The following ATP6V0A2 variants were observed in gnomAD, a reference collection of about 807,000 sequenced individuals.
ATP6V0A2 encodes ATPase H+ transporting V0 subunit a2.
A neutral mutation model predicts 104.4 loss-of-function variants in ATP6V0A2; 58 were observed. The ratio of observed to expected loss-of-function variants is 0.56; its 90% CI spans 0.45 to 0.69. ATP6V0A2 has a LOEUF of 0.69. Among genes scored for constraint, ATP6V0A2 ranks in the 30% least tolerant of loss-of-function variants. The pLI is 0.00. For synonymous variants in ATP6V0A2, 376 were observed against 397.9 expected (o/e 0.95, Z 0.65); for missense variants, 938 against 1,062.9 (o/e 0.88, Z 1.63).
At chr12:123,751,008 C>T (rs184068473) in intron 15 of ATP6V0A2, 102 bp from the exon 16 acceptor site, 54 of 1,495,178 alleles carry the variant, frequency 3.6e-5, no homozygotes, top group African/African-American at 5.5e-5. Context: ...ATGTTCCTCG[C>T]GTGGAGACAT....
chr12:123,714,941 A>G (rs912042383), intron 1 of ATP6V0A2, among the ~76,000 whole-genome samples: 7 of 152,114 alleles, frequency 4.6e-5, no homozygotes, highest in African/African-American at 1.7e-4. Flanking sequence ...TTAGCTGGGC[A>G]TGGCGGGGTG....
At chr12:123,750,900 CCA>C (rs2135916989) in intron 15 of ATP6V0A2, 1 of 612,062 alleles carries the variant, frequency 1.6e-6, no homozygotes, top group African/African-American at 1.8e-5. Flanking sequence ...TAATACTTTA[CCA>C]CAGGGTCATT....
intron 14 of ATP6V0A2, among the ~76,000 whole-genome samples, chr12:123,748,229 A>G (rs1956681285): frequency 6.6e-6 from 1 of 152,238 alleles, no homozygotes; most frequent in Non-Finnish European, 1.5e-5. Flanking sequence ...TGAAGTCACT[A>G]TAACAGGAGT....
At position 123,751,118 on chromosome 12, in the gene ATP6V0A2, C is replaced by A; in HGVS notation, c.1944C>A (p.Val648=). Residue 648 remains valine (V), a synonymous_variant, in exon 16 of 20, where the codon GTC becomes GTA. Coordinates refer to ENST00000330342, the MANE Select transcript of ATP6V0A2 (RefSeq NM_012463.4). ...TSGLYTGQEY[V]QRVLLVVTAL... is the part of the protein sequence containing the mutation. Reference sequence around the variant, plus strand: ...ACCTTCTGCACTAACAGGAGTATGTCCAGAGAGTGCTGCTGGTTGTCACAG... The same window carrying A: ...ACCTTCTGCACTAACAGGAGTATGTACAGAGAGTGCTGCTGGTTGTCACAG... The A allele has an allele frequency of 6.2e-7, 1 of 1,614,176 alleles. No individual in the cohort carries two copies. Among genetic ancestry groups the A allele is most frequent in the South Asian group, 1.1e-5 (1 of 91,082 alleles).
intron 9 of ATP6V0A2, among the ~76,000 whole-genome samples, chr12:123,742,997 G>T (rs1593909161): frequency 6.6e-6 from 1 of 152,116 alleles, no homozygotes; most frequent in Admixed American, 6.5e-5. Context: ...TGCCATAATA[G>T]AATTCATGTT....
At chr12:123,738,916 G>A (rs1956582384) in intron 9 of ATP6V0A2, 2 of 152,200 alleles carry the variant, frequency 1.3e-5, no homozygotes, top group Admixed American at 1.3e-4. Context: ...GAAATACCCA[G>A]TGCTGAGAAA....
At chr12:123,719,085 A>G (rs1416223337) in intron 2 of ATP6V0A2, among the ~76,000 whole-genome samples, 1 of 152,214 alleles carries the variant, frequency 6.6e-6, no homozygotes, top group East Asian at 1.9e-4. Flanking sequence ...GTAGTTTATT[A>G]TAACTTAAAA....
chr12:123,728,708 C>T (rs1388821301), intron 6 of ATP6V0A2, among the ~76,000 whole-genome samples: 1 of 152,238 alleles, frequency 6.6e-6, no homozygotes, highest in East Asian at 1.9e-4. Flanking sequence ...CTGGCAGGAG[C>T]GTTGCTGAAG....
chr12:123,714,540 C>G (rs886284264), intron 1 of ATP6V0A2, among the ~76,000 whole-genome samples: 3 of 152,180 alleles, frequency 2.0e-5, no homozygotes, highest in African/African-American at 7.2e-5. Context: ...AAAGTTCGCA[C>G]TTTTGTTACA....
intron 2 of ATP6V0A2, chr12:123,721,488 G>A (rs1956399295): frequency 6.2e-6 from 1 of 160,102 alleles, no homozygotes; most frequent in South Asian, 1.7e-4. Context: ...CTGTCACTGT[G>A]GGAATAATGG....
intron 9 of ATP6V0A2, 82 bp downstream of exon 9, chr12:123,737,353 G>A: frequency 1.5e-6 from 2 of 1,322,376 alleles, no homozygotes; most frequent in Non-Finnish European, 2.1e-6. Flanking sequence ...AAGGAAGTGA[G>A]AATTTCATAG....
intron 9 of ATP6V0A2, among the ~76,000 whole-genome samples, chr12:123,741,083 T>C (rs139680480): frequency 2.0e-5 from 3 of 152,310 alleles, no homozygotes; most frequent in Admixed American, 6.5e-5. Context: ...TTTTTCTTCT[T>C]ATGACCTTAT....
chr12:123,736,886 A>G (rs568009705), intron 8 of ATP6V0A2, among the ~76,000 whole-genome samples, 173 bp from the exon 9 acceptor site: 22 of 152,310 alleles, frequency 1.4e-4, no homozygotes, highest in African/African-American at 5.1e-4. Context: ...TCCGAGTGGT[A>G]CTAGGGGCAG....
At chr12:123,718,848 G>A (rs967558456) in intron 2 of ATP6V0A2, 147 bp downstream of exon 2, 2 of 581,936 alleles carry the variant, frequency 3.4e-6, no homozygotes, top group Non-Finnish European at 3.0e-6. Context: ...AGTTATGTAG[G>A]CATGTATTAT....
At chr12:123,730,530 T>C (rs1232918002) in intron 6 of ATP6V0A2, 1 of 152,212 alleles carries the variant, frequency 6.6e-6, no homozygotes, top group East Asian at 1.9e-4. Flanking sequence ...AACCACTCAC[T>C]TGTAATATTT....
intron 9 of ATP6V0A2, among the ~76,000 whole-genome samples, chr12:123,741,031 A>G (rs191468399): frequency 2.6e-5 from 4 of 152,082 alleles, no homozygotes; most frequent in Admixed American, 1.3e-4. Context: ...TCTTTCTGGC[A>G]TCTTCTCACT....
At position 123,714,764 on chromosome 12, in the gene ATP6V0A2, A is replaced by G. The variant is rs138807343; in HGVS notation, c.117+2082A>G. ...AAGGGAAAAAAAACCCAAAATTTAT[A>G]AAAGAAACCACACAATAGAAAAAAA... On this transcript the variant is annotated intron_variant, in intron 1 of 19. Coordinates refer to ENST00000330342, the MANE Select transcript of ATP6V0A2 (RefSeq NM_012463.4). Among the ~76,000 whole-genome samples the G allele has an allele frequency of 2.2e-4, 33 of 152,268 alleles. 1 individual carries two copies. In the East Asian group the frequency reaches 6.0e-3, roughly 28 times the overall value.
chr12:123,712,581 C>T lies in ATP6V0A2; in HGVS notation c.16C>T (p.Arg6Trp), dbSNP rs1375352095. 1.3e-6 allele frequency: 2 copies of T among 1,596,508 alleles called. No individual in the cohort carries two copies. The highest frequency in any genetic ancestry group is 1.7e-6 in the Non-Finnish European group (2 of 1,173,744). Reference sequence around the variant, plus strand: ...TCGGCCCGCCATGGGGTCCCTGTTCCGGAGCGAGACCATGTGCCTGGCGCA... The same window carrying T: ...TCGGCCCGCCATGGGGTCCCTGTTCTGGAGCGAGACCATGTGCCTGGCGCA... MGSLF[R>W]SETMCLAQLF... The change falls in exon 1 of 20, where the codon CGG becomes TGG. Residue 6 changes from arginine to tryptophan, a missense_variant. Coordinates refer to ENST00000330342, the MANE Select transcript of ATP6V0A2 (RefSeq NM_012463.4).
rs578080643 is a variant in ATP6V0A2 at position 123,718,235 on chromosome 12, T to C, written c.118-388T>C. Among the ~76,000 whole-genome samples the C allele has an allele frequency of 3.3e-5, 5 of 152,038 alleles. No homozygotes were observed. In the South Asian group the frequency reaches 8.3e-4, roughly 25 times the overall value. Reference sequence around the variant, plus strand: ...CCTCCCGAGTAGCTGGGATTACAGGTACTTGCCATCATGCTTGGCTAATTT... The same window carrying C: ...CCTCCCGAGTAGCTGGGATTACAGGCACTTGCCATCATGCTTGGCTAATTT... On this transcript the variant is annotated intron_variant, in intron 1 of 19. Transcript: ENST00000330342.
Sources: allele counts gnomAD v4.1 joint callset (sites outside exome capture counted in the v4.1 genomes callset), GRCh38; gene constraint gnomAD v4.1.1; transcripts MANE v1.5; gene names NCBI Gene and HGNC (gene_info 2026-07-23, HGNC 2026-07-21).